FRYL: variants seen among roughly 807,000 people sequenced by gnomAD.
The protein encoded by FRYL is protein furry homolog-like.
A neutral mutation model predicts 351.2 loss-of-function variants in FRYL; 150 were observed. The observed-to-expected ratio is 0.43, with a 90% confidence interval of 0.37 to 0.49. The LOEUF (loss-of-function observed/expected upper bound fraction) is 0.49, where lower values mean the gene tolerates loss of function less well. FRYL is among the 20% of genes least tolerant of loss of function. The pLI, the probability that FRYL is intolerant of heterozygous loss-of-function variation, is 0.00. For synonymous variants in FRYL, 1,153 were observed against 1,257.1 expected (o/e 0.92, Z 1.75); for missense variants, 3,036 against 3,619.3 (o/e 0.84, Z 4.13).
chr4:48,549,508 C>G lies in FRYL; in HGVS notation c.4749G>C (p.Val1583=). The change falls in exon 39 of 64, where the codon GTG becomes GTC. Residue 1583 remains valine, a synonymous_variant. Transcript: ENST00000358350. The surrounding 1 kb of genome is among the most constrained non-coding windows in gnomAD (Gnocchi z 4.2). The part of the protein sequence containing the change: ...GGCWSPLVDY[V]PETSSPGLPL... ...GTAATCCAGGTGATGACGTTTCAGG[C>G]ACGTAATCCACCAGTGGTGACCAGC... 6.2e-7 allele frequency: 1 copy of G among 1,612,526 alleles called. No homozygotes were observed. Among genetic ancestry groups the G allele is most frequent in the Non-Finnish European group, 8.5e-7 (1 of 1,179,214 alleles).
chr4:48,581,428 T>A lies in FRYL; in HGVS notation c.2164A>T (p.Ile722Leu), dbSNP rs369401878. The A allele has an allele frequency of 6.2e-7, 1 of 1,604,364 alleles. No individual in the cohort carries two copies. The highest frequency in any genetic ancestry group is 1.7e-5 in the Admixed American group (1 of 57,230). The change falls in exon 21 of 64, where the codon ATA (isoleucine) becomes TTA (leucine). Residue 722 changes from isoleucine (I) to leucine (L), a missense_variant. Transcript: ENST00000358350. ...AAATACCTAAATCTTACCTTAGGTA[T>A]TTCCAGAAGTGCAAATAAAGCCCGT... is the stretch of plus-strand genomic sequence containing the variant. ...EIRALFALLE[I>L]PKGDDELAID... is the part of the protein sequence containing the mutation.
At chr4:48,515,783 T>C (rs1723460482) in intron 55 of FRYL, among the ~76,000 whole-genome samples, 1 of 152,238 alleles carries the variant, frequency 6.6e-6, no homozygotes, top group Admixed American at 6.5e-5. Context: ...GAGGACTTTT[T>C]TTCTCTTCAG....
intron 62 of FRYL, among the ~76,000 whole-genome samples, chr4:48,501,081 G>A (rs1458686333): frequency 2.4e-5 from 1 of 41,376 alleles, no homozygotes; most frequent in Non-Finnish European, 4.3e-5. Context: ...AGGAGACTCT[G>A]CCTCAAAAAA....
chr4:48,730,247 A>T (rs1770575239), intron 1 of FRYL, among the ~76,000 whole-genome samples: 1 of 152,230 alleles, frequency 6.6e-6, no homozygotes, highest in South Asian at 2.1e-4. Flanking sequence ...GAAAAGACCA[A>T]ATCTGCATTT....
intron 4 of FRYL, among the ~76,000 whole-genome samples, chr4:48,624,289 G>A (rs1183204397): frequency 6.6e-6 from 1 of 151,868 alleles, no homozygotes; most frequent in Admixed American, 6.6e-5. Flanking sequence ...AACAAATATT[G>A]AGTTCCTTCT....
intron 11 of FRYL, among the ~76,000 whole-genome samples, chr4:48,604,790 G>A (rs1287311267): frequency 6.6e-6 from 1 of 152,110 alleles, no homozygotes; most frequent in Admixed American, 6.6e-5. Context: ...GGACACAAAA[G>A]CAAATATGGT....
At chr4:48,508,591 G>C (rs528686962) in intron 59 of FRYL, among the ~76,000 whole-genome samples, 1 of 152,220 alleles carries the variant, frequency 6.6e-6, no homozygotes, top group South Asian at 2.1e-4. Context: ...TGTGCTGGCT[G>C]GGAGTTTCTT....
chr4:48,557,443 C>T lies in FRYL; in HGVS notation c.4125+10G>A, dbSNP rs1167606918. On this transcript the variant is annotated intron_variant, in intron 34 of 63. Transcript: ENST00000358350. ...CTGTGCAGCAATTATAAATACAAAA[C>T]TCATTTTACCTTTGCTGTCATATAC... 3 of 1,612,966 alleles carry T rather than the reference C, an allele frequency of 1.9e-6. No homozygotes were observed. Among genetic ancestry groups the T allele is most frequent in the African/African-American group, 2.7e-5 (2 of 74,878 alleles).
intron 55 of FRYL, among the ~76,000 whole-genome samples, chr4:48,516,660 T>A (rs1467765061): frequency 6.6e-6 from 1 of 152,228 alleles, no homozygotes; most frequent in Non-Finnish European, 1.5e-5. Context: ...AAAACTCATC[T>A]ATAAAATGAA....
rs1163221455 is a variant in FRYL at position 48,498,490 on chromosome 4, A to G, written c.*932T>C. On this transcript the variant is annotated 3_prime_UTR_variant, in exon 64 of 64. Coordinates refer to ENST00000358350, the MANE Select transcript of FRYL (RefSeq NM_015030.2). ...AACTTTTCTAATGAGAATAGCTGACAGGCAGCATACATCTTTATTTTACAT... is the reference window on the plus strand; with the variant it reads ...AACTTTTCTAATGAGAATAGCTGACGGGCAGCATACATCTTTATTTTACAT... 1 of 152,678 alleles carries G rather than the reference A, an allele frequency of 6.5e-6. No homozygotes were observed. The highest frequency in any genetic ancestry group is 1.5e-5 in the Non-Finnish European group (1 of 68,050). The allele number at this position is 152,678 out of a possible 1,614,324, so 9.5% of individuals were successfully genotyped here. A position where few individuals can be genotyped will look rare whatever the true frequency, so the allele number is the denominator to read the frequency against.
intron 7 of FRYL, 150 bp downstream of exon 7, chr4:48,619,124 C>G (rs1273353398): frequency 1.7e-6 from 1 of 597,714 alleles, no homozygotes; most frequent in African/African-American, 1.9e-5. Context: ...CAGGAAAGCC[C>G]CAGGCAACTG....
At chr4:48,522,520 A>G (rs1725127502) in intron 54 of FRYL, among the ~76,000 whole-genome samples, 1 of 152,196 alleles carries the variant, frequency 6.6e-6, no homozygotes, top group East Asian at 1.9e-4. Flanking sequence ...TTGATCTCGA[A>G]AGGGACCAAA....
chr4:48,652,100 A>G (rs1209634334), intron 3 of FRYL, among the ~76,000 whole-genome samples: 4 of 152,212 alleles, frequency 2.6e-5, no homozygotes, highest in Non-Finnish European at 4.4e-5. Flanking sequence ...GGATTCAAGG[A>G]GTATGATTAA....
At chr4:48,503,670 CTAAA>C (rs1720249244) in intron 60 of FRYL, among the ~76,000 whole-genome samples, 1 of 152,120 alleles carries the variant, frequency 6.6e-6, no homozygotes, top group Admixed American at 6.5e-5. Context: ...GCCTGCTTTT[CTAAA>C]TAGTTTCCTG....
rs1288879102 is a variant in FRYL, at chr4:48,565,546, T to C, written c.3315A>G (p.Gln1105=). The change falls in exon 29 of 64, where the codon CAA becomes CAG. Residue 1105 remains glutamine, a synonymous_variant. Transcript: ENST00000358350. ...SDRNMQINRH[Q]YCALKAMSAV... is the part of the protein sequence containing the mutation. ...AAGTAAATACCTTTAACGCACAGTA[T>C]TGATGTCTATTAATTTGCATATTTC... The C allele has an allele frequency of 3.1e-6, 5 of 1,607,028 alleles. No individual in the cohort carries two copies. Among genetic ancestry groups the C allele is most frequent in the African/African-American group, 1.3e-5 (1 of 74,500 alleles).
chr4:48,776,516 TTC>T (rs1310284338), intron 1 of FRYL, among the ~76,000 whole-genome samples: 2 of 152,238 alleles, frequency 1.3e-5, no homozygotes, highest in African/African-American at 4.8e-5. Flanking sequence ...GGGCTCTAAC[TTC>T]TGTTAATTTT....
At chr4:48,686,471 C>T (rs1765161261) in intron 2 of FRYL, among the ~76,000 whole-genome samples, 1 of 152,110 alleles carries the variant, frequency 6.6e-6, no homozygotes, top group Admixed American at 6.6e-5. Flanking sequence ...TGATACTTTG[C>T]TTATCTTAGG....
chr4:48,702,445 G>A (rs1199129334), intron 2 of FRYL, among the ~76,000 whole-genome samples: 2 of 104,578 alleles, frequency 1.9e-5, no homozygotes, highest in African/African-American at 7.8e-5. Flanking sequence ...GACAGGGTGA[G>A]ACTCTGTCTC....
intron 3 of FRYL, among the ~76,000 whole-genome samples, chr4:48,646,858 A>C (rs1031665150): frequency 6.6e-6 from 1 of 152,198 alleles, no homozygotes; most frequent in Non-Finnish European, 1.5e-5. Flanking sequence ...GTACCTAGAG[A>C]ATATGATAAC....
Sources: allele counts gnomAD v4.1 joint callset (sites outside exome capture counted in the v4.1 genomes callset), GRCh38; gene constraint gnomAD v4.1.1; non-coding constraint Gnocchi (gnomAD v3.1); transcripts MANE v1.5; gene names NCBI Gene and HGNC (gene_info 2026-07-23, HGNC 2026-07-21).